KANSL1: variants seen among roughly 807,000 people sequenced by gnomAD.
KANSL1 encodes the protein MLL1/MLL complex subunit KANSL1.
KANSL1 carries 22 observed loss-of-function variants against 103.6 expected under a neutral mutation model. That is an observed-to-expected ratio of 0.21 (90% confidence interval 0.15 to 0.30). KANSL1 has a LOEUF of 0.30. Ranked by LOEUF, KANSL1 falls within the 10% of genes least tolerant of loss-of-function variation. The pLI is 1.00. For synonymous variants in KANSL1, 600 were observed against 527.6 expected (o/e 1.14, Z -1.88); for missense variants, 1,337 against 1,399.8 (o/e 0.96, Z 0.72).
intron 1 of KANSL1, chr17:46,221,152 TATTAA>T (rs1223485875): frequency 1.3e-5 from 2 of 152,088 alleles, no homozygotes; most frequent in Non-Finnish European, 2.9e-5. Flanking sequence ...TTCTATATCA[TATTAA>T]ATTATGTTTT....
chr17:46,096,841 TCTC>T (rs1485405881), intron 2 of KANSL1, among the ~76,000 whole-genome samples: 1 of 151,706 alleles, frequency 6.6e-6, no homozygotes. Context: ...ATGGTCTCGA[TCTC>T]CTGACCTCAT....
At chr17:46,058,759 T>A (rs1222350369) in intron 6 of KANSL1, among the ~76,000 whole-genome samples, 1,427 of 76,996 alleles carry the variant, frequency 0.019, 4 homozygotes, top group South Asian at 0.045. Context: ...TCTCTCTCTC[T>A]CTCTCTCTCT....
intron 2 of KANSL1, chr17:46,119,861 C>T (rs1188477868): frequency 1.3e-5 from 2 of 152,234 alleles, no homozygotes; most frequent in Non-Finnish European, 2.9e-5. Flanking sequence ...TCTAAAATGC[C>T]TAGTATTTCT....
chr17:46,135,654 C>T (rs1490701481), intron 2 of KANSL1, among the ~76,000 whole-genome samples: 4 of 149,920 alleles, frequency 2.7e-5, no homozygotes, highest in African/African-American at 9.9e-5. Context: ...AAGCGAGCCT[C>T]CCAAGTAGCT....
chr17:46,073,645 G>C lies in KANSL1; in HGVS notation c.1534-5978C>G, dbSNP rs574115389. 1.1e-4 allele frequency among the ~76,000 whole-genome samples: 17 copies of C among 151,988 alleles called. No individual in the cohort carries two copies. In the South Asian group the frequency reaches 3.5e-3, roughly 31 times the overall value. The stretch of plus-strand genomic sequence containing the variant: ...CAAAAATAAAAATTAACAATGCGGG[G>C]TGGGGAAAACAGGGAAGGCTAGAAT... On this transcript the variant is annotated intron_variant, in intron 4 of 14. Transcript: ENST00000432791.
At chr17:46,176,167 G>A (rs2046510261) in intron 1 of KANSL1, among the ~76,000 whole-genome samples, 1 of 152,196 alleles carries the variant, frequency 6.6e-6, no homozygotes, top group Non-Finnish European at 1.5e-5. Context: ...GTAAGACTTA[G>A]CAAGGGCAGG....
At chr17:46,189,005 C>G (rs2047168036) in intron 1 of KANSL1, among the ~76,000 whole-genome samples, 1 of 128,928 alleles carries the variant, frequency 7.8e-6, no homozygotes, top group African/African-American at 3.1e-5. Flanking sequence ...TGCACTCCAG[C>G]CTGGGCAACA....
At chr17:46,146,393 A>G (rs2044699843) in intron 2 of KANSL1, among the ~76,000 whole-genome samples, 1 of 152,204 alleles carries the variant, frequency 6.6e-6, no homozygotes, top group Admixed American at 6.5e-5. Context: ...CTGACTGGCC[A>G]AGCTGGTACT....
rs752955067 is a variant in KANSL1 at position 46,050,623 on chromosome 17, T to C, written c.1930A>G (p.Met644Val). ...GCTTCATAGTGAATTTCGGGAGGCA[T>C]GGTGTTGATGCTGCCTGAACCACAC... ...ALCGSGSINT[M>V]PPEIHYEAPL... The change falls in exon 7 of 15, where the codon ATG (methionine) becomes GTG (valine). Residue 644 changes from methionine (M) to valine (V), a missense_variant. This residue lies in a region of KANSL1 where 780 missense variants were observed against 923.4 expected (regional missense o/e 0.84). Coordinates refer to ENST00000432791, the MANE Select transcript of KANSL1 (RefSeq NM_015443.4). 12 of 1,613,982 alleles carry C rather than the reference T, an allele frequency of 7.4e-6. No homozygotes were observed. In the African/African-American group the frequency reaches 8.0e-5, roughly 11 times the overall value.
At chr17:46,118,536 G>A (rs1235033575) in intron 2 of KANSL1, among the ~76,000 whole-genome samples, 1 of 152,214 alleles carries the variant, frequency 6.6e-6, no homozygotes, top group East Asian at 1.9e-4. Context: ...CACCCCCAGA[G>A]TTTCCGACTC....
intron 4 of KANSL1, among the ~76,000 whole-genome samples, chr17:46,072,563 A>C (rs2078617110): frequency 1.3e-5 from 2 of 152,204 alleles, no homozygotes; most frequent in African/African-American, 4.8e-5. Context: ...GATACTGAGC[A>C]TAGTTTCGCT....
Position 46,214,666 on chromosome 17 carries a change from G to A in KANSL1, c.-90+9005C>T, listed in dbSNP as rs1014086036. Among the ~76,000 whole-genome samples, 48 of 148,880 alleles carry A rather than the reference G, an allele frequency of 3.2e-4. No homozygotes were observed. In the East Asian group the frequency reaches 9.1e-3, roughly 28 times the overall value. On this transcript the variant is annotated intron_variant, in intron 1 of 14. Transcript: ENST00000572904. ...GCGAAATTCCGTCTCAAAAAAAAAA[G>A]AAACAAAAACAGCAAGCAGTGAGGA...
chr17:46,045,997 A>C (rs2077491839), intron 7 of KANSL1: 1 of 152,220 alleles, frequency 6.6e-6, no homozygotes, highest in Non-Finnish European at 1.5e-5. Flanking sequence ...GAGTAACCCA[A>C]CAAACATTCC....
chr17:46,111,699 G>A (rs1036035236), intron 2 of KANSL1, among the ~76,000 whole-genome samples: 7 of 152,180 alleles, frequency 4.6e-5, no homozygotes, highest in Non-Finnish European at 1.0e-4. Context: ...TCAATTCTCA[G>A]AAGAAAGAAC....
chr17:46,138,865 T>G (rs2044281685), intron 2 of KANSL1, among the ~76,000 whole-genome samples: 1 of 152,214 alleles, frequency 6.6e-6, no homozygotes, highest in Non-Finnish European at 1.5e-5. Flanking sequence ...GGAGAAGTCA[T>G]GAAGTAACAT....
chr17:46,171,739 T>A lies in KANSL1; in HGVS notation c.405A>T (p.Leu135Phe). The A allele has an allele frequency of 6.3e-7, 1 of 1,580,976 alleles. No individual in the cohort carries two copies. The highest frequency in any genetic ancestry group is 8.6e-7 in the Non-Finnish European group (1 of 1,166,650). ...LGRQPVLEFS[L>F]ENLRTMNTSG... ...TCGTATTCATGGTTCTAAGATTTTC[T>A]AAGGAAAACTCCAAAACTGGCTGTC... Residue 135 changes from leucine (L) to phenylalanine (F), a missense_variant, in exon 2 of 15, where the codon TTA becomes TTT. Leu to Phe is a conservative substitution (Grantham distance 22, BLOSUM62 0). Transcript: ENST00000432791.
chr17:46,168,834 C>T (rs894052840), intron 2 of KANSL1, among the ~76,000 whole-genome samples: 12 of 152,312 alleles, frequency 7.9e-5, no homozygotes, highest in Middle Eastern at 3.4e-3. Context: ...CACTTCACAC[C>T]CTTCCAAACC....
In KANSL1 at chr17:46,212,544, C is replaced by T. The variant is rs1468011544; in HGVS notation, c.-90+11127G>A. Among the ~76,000 whole-genome samples the T allele has an allele frequency of 2.6e-5, 4 of 152,266 alleles. No individual in the cohort carries two copies. The South Asian group carries it at 8.3e-4, about 32-fold the overall frequency. The stretch of plus-strand genomic sequence containing the variant: ...AGAAAAATTCTTTCAAATACTATTC[C>T]ATGGTTGTAAATGTCCATCCTTAAA... On this transcript the variant is annotated intron_variant, in intron 1 of 14. Coordinates refer to the KANSL1 transcript ENST00000572904.
intron 1 of KANSL1, among the ~76,000 whole-genome samples, chr17:46,191,907 T>C (rs2047348743): frequency 6.9e-6 from 1 of 145,312 alleles, no homozygotes; most frequent in Admixed American, 7.4e-5. Flanking sequence ...CTAGGAGCAC[T>C]AAACTCCAGC....
Sources: gnomAD v4.1 joint callset for allele counts (sites outside exome capture counted in the v4.1 genomes callset) on GRCh38, gnomAD v4.1.1 for gene constraint, gnomAD v4.1.1 regional missense constraint, MANE v1.5 for transcripts, NCBI Gene and HGNC (gene_info 2026-07-23, HGNC 2026-07-21) for gene names.